Variants in NKAIN3 observed in about 807,000 individuals in gnomAD.
NKAIN3 encodes sodium/potassium-transporting ATPase subunit beta-1-interacting protein 3.
NKAIN3 carries 25 observed loss-of-function variants against 30.2 expected under a neutral mutation model. The ratio of observed to expected loss-of-function variants is 0.83; its 90% confidence interval spans 0.60 to 1.16. NKAIN3 has a LOEUF of 1.16. Among genes scored for constraint, NKAIN3 ranks in the 50% most tolerant of loss-of-function variants. The probability of loss-of-function intolerance (pLI) is 0.00; values close to 1 mark genes in which losing one functional copy is unlikely to be tolerated. For missense variants in NKAIN3, 225 were observed against 254.1 expected (o/e 0.89, Z 0.78); for synonymous variants, 91 against 89.6 (o/e 1.02, Z -0.09).
chr8:62,582,695 A>G (rs1810344730), intron 2 of NKAIN3, among the ~76,000 whole-genome samples: 2 of 152,204 alleles, frequency 1.3e-5, no homozygotes, highest in African/African-American at 4.8e-5. Flanking sequence ...GAGGACCTGT[A>G]CTGTGCTAAG....
At chr8:62,766,987 A>G (rs1265789109) in intron 4 of NKAIN3, among the ~76,000 whole-genome samples, 3 of 151,242 alleles carry the variant, frequency 2.0e-5, no homozygotes, top group Non-Finnish European at 2.9e-5. Context: ...TAACTTGCAG[A>G]TTGGCCATGA....
At chr8:62,850,335 A>G (rs1383198414) in intron 4 of NKAIN3, among the ~76,000 whole-genome samples, 2 of 151,630 alleles carry the variant, frequency 1.3e-5, no homozygotes, top group Non-Finnish European at 2.9e-5. Flanking sequence ...GTTGGAGTTC[A>G]TTGTAGATTC....
intron 3 of NKAIN3, among the ~76,000 whole-genome samples, chr8:62,667,824 C>G (rs984441542): frequency 5.9e-5 from 9 of 152,128 alleles, no homozygotes; most frequent in African/African-American, 1.9e-4. Flanking sequence ...TGCCTTTGCA[C>G]CCCACCTCTC....
chr8:62,814,747 T>C (rs1818620778), intron 4 of NKAIN3, among the ~76,000 whole-genome samples: 1 of 151,206 alleles, frequency 6.6e-6, no homozygotes. Flanking sequence ...TAGAGGGAAA[T>C]TTATAGCACT....
intron 1 of NKAIN3, among the ~76,000 whole-genome samples, chr8:62,384,207 A>G (rs577281787): frequency 4.6e-5 from 7 of 152,308 alleles, no homozygotes; most frequent in African/African-American, 1.7e-4. Context: ...ATCACATGGC[A>G]TTTTAAGCAG....
intron 4 of NKAIN3, among the ~76,000 whole-genome samples, chr8:62,859,351 T>C (rs1040870173): frequency 1.3e-5 from 2 of 152,016 alleles, no homozygotes; most frequent in Non-Finnish European, 2.9e-5. Context: ...TATCACTTGT[T>C]AATCTCCTGA....
chr8:62,977,028 T>C lies in NKAIN3; in HGVS notation c.*11621T>C, dbSNP rs868785521. Among the ~76,000 whole-genome samples the C allele has an allele frequency of 6.6e-6, 1 of 152,208 alleles. No homozygotes were observed. The highest frequency in any genetic ancestry group is 2.4e-5 in the African/African-American group (1 of 41,452). On this transcript the variant is annotated 3_prime_UTR_variant, in exon 7 of 7. Coordinates refer to ENST00000623646, the MANE Select transcript of NKAIN3 (RefSeq NM_001304533.3). ...TATTAGCCCCCAATCTCTTGTGGCT[T>C]TTAGGGTTTCTGCAGAGAGATCTGC...
intron 3 of NKAIN3, among the ~76,000 whole-genome samples, chr8:62,603,979 G>T (rs1437698826): frequency 6.6e-6 from 1 of 152,068 alleles, no homozygotes; most frequent in Non-Finnish European, 1.5e-5. Flanking sequence ...AGAAACCCTT[G>T]TAACAAGATA....
chr8:62,845,147 T>C (rs1402377860), intron 4 of NKAIN3, among the ~76,000 whole-genome samples: 3 of 151,636 alleles, frequency 2.0e-5, no homozygotes, highest in African/African-American at 7.3e-5. Flanking sequence ...TTTTTAGGGT[T>C]AATATAAAGG....
chr8:62,777,749 C>T (rs1817234106), intron 4 of NKAIN3, among the ~76,000 whole-genome samples: 1 of 152,042 alleles, frequency 6.6e-6, no homozygotes, highest in African/African-American at 2.4e-5. Context: ...AGCCTTGATA[C>T]TTGTGGACGT....
intron 3 of NKAIN3, among the ~76,000 whole-genome samples, chr8:62,636,158 A>G (rs1812120709): frequency 6.6e-6 from 1 of 152,194 alleles, no homozygotes; most frequent in Non-Finnish European, 1.5e-5. Flanking sequence ...ATTGAAGTTG[A>G]GAATTGTACT....
chr8:62,488,295 A>G (rs1185408483), intron 1 of NKAIN3, among the ~76,000 whole-genome samples: 1 of 152,074 alleles, frequency 6.6e-6, no homozygotes, highest in Admixed American at 6.6e-5. Context: ...GTCACCATAC[A>G]TAGTGTTCTA....
chr8:62,722,902 G>A (rs568229082), intron 3 of NKAIN3, among the ~76,000 whole-genome samples: 8 of 152,250 alleles, frequency 5.3e-5, no homozygotes, highest in African/African-American at 1.9e-4. Flanking sequence ...ATCACAAGAG[G>A]CTGTCTCCTA....
At chr8:62,887,333 G>C (rs2130820791) in intron 4 of NKAIN3, among the ~76,000 whole-genome samples, 1 of 151,734 alleles carries the variant, frequency 6.6e-6, no homozygotes, top group South Asian at 2.1e-4. Flanking sequence ...TCTCTTCTAT[G>C]ATAGGCCTGT....
At chr8:62,336,421 T>C (rs1472018654) in intron 1 of NKAIN3, among the ~76,000 whole-genome samples, 2 of 152,038 alleles carry the variant, frequency 1.3e-5, no homozygotes, top group African/African-American at 4.8e-5. Context: ...GTATCACATA[T>C]TTTCTGGCCT....
chr8:62,387,359 A>G (rs937282582), intron 1 of NKAIN3, among the ~76,000 whole-genome samples: 1 of 152,078 alleles, frequency 6.6e-6, no homozygotes, highest in Non-Finnish European at 1.5e-5. Context: ...CAAAAAAAAA[A>G]AAAATACATG....
At chr8:62,666,592 C>G (rs2130374393) in intron 3 of NKAIN3, among the ~76,000 whole-genome samples, 1 of 152,102 alleles carries the variant, frequency 6.6e-6, no homozygotes, top group East Asian at 1.9e-4. Flanking sequence ...TAAATAATTT[C>G]TCATTTTAAT....
intron 1 of NKAIN3, among the ~76,000 whole-genome samples, chr8:62,346,943 GA>G (rs1460060394): frequency 1.3e-5 from 2 of 152,074 alleles, no homozygotes; most frequent in African/African-American, 2.4e-5. Flanking sequence ...TGGCCAATCT[GA>G]AAATCCTAAT....
At chr8:62,513,121 A>T (rs1313488838) in intron 1 of NKAIN3, among the ~76,000 whole-genome samples, 1 of 152,082 alleles carries the variant, frequency 6.6e-6, no homozygotes, top group Admixed American at 6.6e-5. Flanking sequence ...TCCAAACACA[A>T]TTATTGGGAA....
Sources: gnomAD v4.1 joint callset for allele counts (sites outside exome capture counted in the v4.1 genomes callset) on GRCh38, gnomAD v4.1.1 for gene constraint, MANE v1.5 for transcripts, NCBI Gene and HGNC (gene_info 2026-07-23, HGNC 2026-07-21) for gene names.